Variants in WDR7 observed in about 807,000 individuals in gnomAD.
WDR7 encodes WD repeat domain 7.
In WDR7, 46 loss-of-function variants were observed where a neutral mutation model predicts 169.4. That is an observed-to-expected ratio of 0.27 (90% CI 0.21 to 0.35). The LOEUF is 0.35. Ranked by LOEUF, WDR7 falls within the 10% of genes least tolerant of loss-of-function variation. The pLI is 1.00. For synonymous variants in WDR7, 612 were observed against 666.8 expected (o/e 0.92, Z 1.27); for missense variants, 1,534 against 1,859.3 (o/e 0.83, Z 3.22).
chr18:56,671,391 C>G (rs1356428752), intron 1 of WDR7, among the ~76,000 whole-genome samples: 1 of 151,536 alleles, frequency 6.6e-6, no homozygotes, highest in Non-Finnish European at 1.5e-5. Context: ...CAGGTTCAAG[C>G]CTCTCAAGTA....
In WDR7 at chr18:56,718,482, A is replaced by C. The variant is rs11664579; in HGVS notation, c.1774+323A>C. 1.2e-4 allele frequency among the ~76,000 whole-genome samples: 19 copies of C among 152,254 alleles called. No homozygotes were observed. In the South Asian group the frequency reaches 2.9e-3, roughly 23 times the overall value. ...GAAATCATTTTTATCTCAGGTTTACATACGGTGAAAAAGATACAACCCTTT... is the reference window on the plus strand; with the variant it reads ...GAAATCATTTTTATCTCAGGTTTACCTACGGTGAAAAAGATACAACCCTTT... On this transcript the variant is annotated intron_variant, in intron 13 of 27. Transcript: ENST00000254442.
intron 12 of WDR7, among the ~76,000 whole-genome samples, chr18:56,708,577 C>T (rs2026013370): frequency 6.6e-6 from 1 of 152,158 alleles, no homozygotes; most frequent in African/African-American, 2.4e-5. Context: ...GGACAGATGA[C>T]AGCGGACAGC....
At chr18:57,015,984 A>G (rs375948573) in intron 26 of WDR7, among the ~76,000 whole-genome samples, 173 of 152,298 alleles carry the variant, frequency 1.1e-3, no homozygotes, top group African/African-American at 3.6e-3. Flanking sequence ...ACCTTATGAA[A>G]ACAAGCTTGT....
rs955343377 is a variant in WDR7, at chr18:56,928,989, A to G, written c.3713+4881A>G. On this transcript the variant is annotated intron_variant, in intron 22 of 27. Coordinates refer to ENST00000254442, the MANE Select transcript of WDR7 (RefSeq NM_015285.3). The stretch of plus-strand genomic sequence containing the variant: ...TACTTTAGATTTTTAAATATGTTTA[A>G]TAAAATTATTTTCAGCTGGACATGA... Among the ~76,000 whole-genome samples the G allele has an allele frequency of 9.9e-5, 15 of 152,206 alleles. No individual in the cohort carries two copies. In the East Asian group the frequency reaches 2.5e-3, roughly 25 times the overall value.
At chr18:56,987,926 A>G (rs1315957897) in intron 26 of WDR7, among the ~76,000 whole-genome samples, 1 of 152,258 alleles carries the variant, frequency 6.6e-6, no homozygotes, top group Non-Finnish European at 1.5e-5. Context: ...AACATTTTAC[A>G]TACTGTGTGA....
chr18:56,929,933 T>A (rs1303609320), intron 22 of WDR7, among the ~76,000 whole-genome samples: 2 of 152,162 alleles, frequency 1.3e-5, no homozygotes, highest in African/African-American at 4.8e-5. Flanking sequence ...AGCAGAAAAA[T>A]TCTGCTGCTC....
In WDR7 at chr18:56,868,244, CAT is replaced by C. The variant is rs139953734; in HGVS notation, c.3305-11699_3305-11698del. Among the ~76,000 whole-genome samples, 1,431 of 152,172 alleles carry C rather than the reference CAT, an allele frequency of 9.4e-3. 23 individuals carry two copies. Among genetic ancestry groups the C allele is most frequent in the African/African-American group, 0.032 (1,347 of 41,550 alleles). ...TTTAAAAAATGGTCACTTTTAGTCA[CAT>C]GTCATTGTTTTATTATTGCGATATA... On this transcript the variant is annotated intron_variant, in intron 20 of 27. Coordinates refer to ENST00000254442, the MANE Select transcript of WDR7 (RefSeq NM_015285.3).
At chr18:56,991,143 A>ATT (rs60092817) in intron 26 of WDR7, among the ~76,000 whole-genome samples, 19,689 of 109,694 alleles carry the variant, frequency 0.18, 2,853 homozygotes, top group Middle Eastern at 0.34. Flanking sequence ...CCTTCTCCTC[A>ATT]TTTTTTTTTT....
chr18:56,803,483 T>A (rs1198464367), intron 19 of WDR7, among the ~76,000 whole-genome samples: 2 of 152,200 alleles, frequency 1.3e-5, no homozygotes, highest in South Asian at 2.1e-4. Context: ...GTAAATATTC[T>A]GATTTTTTGC....
intron 12 of WDR7, among the ~76,000 whole-genome samples, chr18:56,696,875 G>A (rs865785061): frequency 6.6e-6 from 1 of 152,126 alleles, no homozygotes; most frequent in African/African-American, 2.4e-5. Context: ...AATACTTATC[G>A]ATAGAGTTCA....
At chr18:56,823,844 G>C (rs985062610) in intron 20 of WDR7, among the ~76,000 whole-genome samples, 1 of 152,082 alleles carries the variant, frequency 6.6e-6, no homozygotes, top group African/African-American at 2.4e-5. Flanking sequence ...AGAATACCTA[G>C]ATCCAGCCTT....
At chr18:56,881,806 A>G (rs923846208) in intron 21 of WDR7, among the ~76,000 whole-genome samples, 1 of 151,906 alleles carries the variant, frequency 6.6e-6, no homozygotes, top group Non-Finnish European at 1.5e-5. Flanking sequence ...GGCTGGCCTC[A>G]AACTCCTGAC....
intron 21 of WDR7, among the ~76,000 whole-genome samples, chr18:56,901,572 A>G (rs765222): frequency 0.82 from 124,381 of 152,108 alleles, 51,245 homozygotes; most frequent in East Asian, 0.98. Context: ...GTACTTCACA[A>G]GGATGTTAGT....
At chr18:56,694,037 G>GTT (rs769271777) in intron 9 of WDR7, among the ~76,000 whole-genome samples, 1 of 145,654 alleles carries the variant, frequency 6.9e-6, no homozygotes. Context: ...GCTGGGCTAA[G>GTT]TTTTTTTTTT....
rs1031866417 is a variant in WDR7, at chr18:56,931,726, G to A, written c.3714-4062G>A. ...TCACTAGAAGTCAATGAGTGCTATCGTAGTTAAGAGAATACCATGTGGGAA... is the reference window on the plus strand; with the variant it reads ...TCACTAGAAGTCAATGAGTGCTATCATAGTTAAGAGAATACCATGTGGGAA... On this transcript the variant is annotated intron_variant, in intron 22 of 27. Transcript: ENST00000254442. Among the ~76,000 whole-genome samples the A allele has an allele frequency of 5.9e-5, 9 of 152,284 alleles. 1 individual carries two copies. The South Asian group carries it at 1.2e-3, about 21-fold the overall frequency.
chr18:57,017,810 A>G (rs2048228582), intron 26 of WDR7, among the ~76,000 whole-genome samples: 1 of 152,218 alleles, frequency 6.6e-6, no homozygotes, highest in African/African-American at 2.4e-5. Flanking sequence ...CAGACAATTC[A>G]GGCTGAACTT....
chr18:56,777,326 C>T (rs895142745), intron 17 of WDR7, among the ~76,000 whole-genome samples: 3 of 152,140 alleles, frequency 2.0e-5, no homozygotes, highest in African/African-American at 7.2e-5. Context: ...GAAAAGTCTT[C>T]AGATTGATTA....
intron 19 of WDR7, among the ~76,000 whole-genome samples, chr18:56,813,192 AC>A (rs1039644514): frequency 4.1e-4 from 58 of 142,568 alleles, no homozygotes; most frequent in East Asian, 1.4e-3. Context: ...AAAAAAAAAA[AC>A]ATTAAAAAAA....
intron 20 of WDR7, among the ~76,000 whole-genome samples, chr18:56,838,789 G>A (rs1401022172): frequency 1.3e-5 from 2 of 152,156 alleles, no homozygotes; most frequent in Non-Finnish European, 2.9e-5. Context: ...CGTATTCAAT[G>A]TGTAGAGCAT....
Sources: gnomAD v4.1 joint callset for allele counts (sites outside exome capture counted in the v4.1 genomes callset) on GRCh38, gnomAD v4.1.1 for gene constraint, MANE v1.5 for transcripts, NCBI Gene and HGNC (gene_info 2026-07-23, HGNC 2026-07-21) for gene names.